PLS1: variants seen among roughly 807,000 people sequenced by gnomAD.
PLS1 encodes the protein plastin 1.
In PLS1, 32 loss-of-function variants were observed where a neutral mutation model predicts 73.7. The observed-to-expected ratio is 0.43, with a 90% CI of 0.33 to 0.58. PLS1 has a LOEUF of 0.58. PLS1 is among the 20% of genes least tolerant of loss of function. The pLI is 0.04. For missense variants in PLS1, 633 were observed against 740.5 expected (o/e 0.85, Z 1.68); for synonymous variants, 217 against 261.3 (o/e 0.83, Z 1.63).
intron 1 of PLS1, among the ~76,000 whole-genome samples, chr3:142,614,215 G>T (rs1430119678): frequency 6.6e-6 from 1 of 152,184 alleles, no homozygotes; most frequent in Admixed American, 6.5e-5. Flanking sequence ...GGAGGAAAAA[G>T]AATACATATG....
intron 1 of PLS1, among the ~76,000 whole-genome samples, chr3:142,617,528 C>T (rs1303395327): frequency 2.0e-5 from 3 of 152,082 alleles, no homozygotes; most frequent in Non-Finnish European, 2.9e-5. Flanking sequence ...CTGTATTAAT[C>T]GTTTGTTCAA....
chr3:142,622,928 T>C (rs958180092), intron 1 of PLS1, among the ~76,000 whole-genome samples: 3 of 152,226 alleles, frequency 2.0e-5, no homozygotes, highest in African/African-American at 7.2e-5. Context: ...ATTTTTTACA[T>C]GATGAAAACA....
At chr3:142,701,376 T>C (rs2038328875) in intron 12 of PLS1, among the ~76,000 whole-genome samples, 1 of 152,230 alleles carries the variant, frequency 6.6e-6, no homozygotes, top group African/African-American at 2.4e-5. Context: ...TTGAGCATCC[T>C]TAAGCTGAAA....
chr3:142,640,342 TAAATAATGCTTTCGAC>T (rs2036804168), intron 1 of PLS1, among the ~76,000 whole-genome samples: 1 of 152,206 alleles, frequency 6.6e-6, no homozygotes, highest in Non-Finnish European at 1.5e-5. Flanking sequence ...CAACTATGGA[TAAATAATGCTTTCGAC>T]AGTTTTCAGA....
intron 9 of PLS1, among the ~76,000 whole-genome samples, chr3:142,688,282 CT>C (rs988784636): frequency 6.6e-6 from 1 of 152,100 alleles, no homozygotes; most frequent in African/African-American, 2.4e-5. Flanking sequence ...ACAATGGTAA[CT>C]TTTCTTTGTT....
intron 12 of PLS1, among the ~76,000 whole-genome samples, chr3:142,702,735 T>A (rs1424374548): frequency 6.6e-6 from 1 of 152,030 alleles, no homozygotes; most frequent in Non-Finnish European, 1.5e-5. Context: ...ATAAAAAAAA[T>A]TATTAGAGAA....
At chr3:142,615,912 A>G (rs1348334737) in intron 1 of PLS1, among the ~76,000 whole-genome samples, 1 of 152,214 alleles carries the variant, frequency 6.6e-6, no homozygotes, top group Non-Finnish European at 1.5e-5. Context: ...AGACATGCAG[A>G]CTTTTCGTCT....
chr3:142,641,694 C>T (rs925033487), intron 1 of PLS1, among the ~76,000 whole-genome samples: 5 of 152,044 alleles, frequency 3.3e-5, no homozygotes, highest in East Asian at 1.9e-4. Flanking sequence ...TGGGTGGTGG[C>T]GGTCTTCCTA....
At chr3:142,683,855 G>GC in intron 6 of PLS1, 151 bp from the exon 7 acceptor site, 1 of 494,620 alleles carries the variant, frequency 2.0e-6, no homozygotes, top group Non-Finnish European at 3.5e-6. Flanking sequence ...AAAACCATGT[G>GC]TTTTTTTTTT....
chr3:142,689,222 G>A (rs139029119), intron 9 of PLS1, among the ~76,000 whole-genome samples: 5,865 of 152,004 alleles, frequency 0.039, 386 homozygotes, highest in African/African-American at 0.13. Flanking sequence ...TCAGGAGTTC[G>A]AAACCAGCCT....
At chr3:142,659,427 G>T (rs867842205) in intron 1 of PLS1, among the ~76,000 whole-genome samples, 2 of 152,138 alleles carry the variant, frequency 1.3e-5, no homozygotes, top group African/African-American at 2.4e-5. Context: ...TATAGGTACT[G>T]TATATATAAT....
intron 1 of PLS1, among the ~76,000 whole-genome samples, chr3:142,631,652 A>G (rs1254289786): frequency 8.3e-6 from 1 of 120,686 alleles, no homozygotes; most frequent in African/African-American, 3.1e-5. Context: ...CAGAGTTGAG[A>G]CCCTGTCTCT....
At chr3:142,628,172 G>T (rs1460466004) in intron 1 of PLS1, among the ~76,000 whole-genome samples, 1 of 152,010 alleles carries the variant, frequency 6.6e-6, no homozygotes, top group East Asian at 1.9e-4. Flanking sequence ...GAGTCAGTTC[G>T]GTTTTTTGAA....
At chr3:142,636,447 G>T (rs2036694026) in intron 1 of PLS1, among the ~76,000 whole-genome samples, 1 of 152,140 alleles carries the variant, frequency 6.6e-6, no homozygotes. Context: ...AAAATAGATT[G>T]TAGACCTGAA....
intron 1 of PLS1, among the ~76,000 whole-genome samples, chr3:142,649,707 T>C (rs1472924722): frequency 6.6e-6 from 1 of 151,602 alleles, no homozygotes; most frequent in Non-Finnish European, 1.5e-5. Context: ...TACAAAGCAG[T>C]CATAGGTCTA....
intron 1 of PLS1, among the ~76,000 whole-genome samples, chr3:142,601,024 C>G (rs1335012560): frequency 7.1e-6 from 1 of 140,802 alleles, no homozygotes; most frequent in Non-Finnish European, 1.5e-5. Flanking sequence ...CCCGGGTTCA[C>G]GCCATTCTCC....
rs80098885 is a variant in PLS1, at chr3:142,636,915, C to T, written c.-36-27287C>T. 3.2e-3 allele frequency among the ~76,000 whole-genome samples: 481 copies of T among 152,256 alleles called. 1 individual carries two copies. Among genetic ancestry groups the T allele is most frequent in the Non-Finnish European group, 5.1e-3 (346 of 68,016 alleles). On this transcript the variant is annotated intron_variant, in intron 1 of 15. Transcript: ENST00000457734. ...AAAATTAGAAAGATCGATCATACCACGTGTTGGTGAATATGTGGAGGAACG... is the reference window on the plus strand; with the variant it reads ...AAAATTAGAAAGATCGATCATACCATGTGTTGGTGAATATGTGGAGGAACG...
At chr3:142,616,825 C>T (rs1201631931) in intron 1 of PLS1, among the ~76,000 whole-genome samples, 1 of 152,150 alleles carries the variant, frequency 6.6e-6, no homozygotes, top group Non-Finnish European at 1.5e-5. Context: ...TGTTCTTGAA[C>T]TCCTGACCTC....
At chr3:142,631,422 G>T (rs2108586676) in intron 1 of PLS1, among the ~76,000 whole-genome samples, 1 of 151,944 alleles carries the variant, frequency 6.6e-6, no homozygotes, top group Non-Finnish European at 1.5e-5. Flanking sequence ...GGAGGTGGAG[G>T]TTGCAGTGAG....
Sources: gnomAD v4.1 joint callset for allele counts (sites outside exome capture counted in the v4.1 genomes callset) on GRCh38, gnomAD v4.1.1 for gene constraint, MANE v1.5 for transcripts, NCBI Gene and HGNC (gene_info 2026-07-23, HGNC 2026-07-21) for gene names.